STXBP2: variants seen among roughly 807,000 people sequenced by gnomAD.
STXBP2 encodes syntaxin binding protein 2.
In STXBP2, 47 loss-of-function variants were observed where a neutral mutation model predicts 72.2. The ratio of observed to expected loss-of-function variants is 0.65; its 90% CI spans 0.51 to 0.83. The LOEUF (loss-of-function observed/expected upper bound fraction) is 0.83. STXBP2 is among the 40% of genes least tolerant of loss of function. The pLI is 0.00. For synonymous variants in STXBP2, 367 were observed against 338.7 expected, an observed-to-expected ratio of 1.08 and a Z score of -0.92; for missense variants, 702 against 807.6, an observed-to-expected ratio of 0.87 and a Z score of 1.58.
chr19:7,646,457 G>GCT (rs1236818928), intron 16 of STXBP2, 113 bp downstream of exon 16: 1 of 1,022,642 alleles, frequency 9.8e-7, no homozygotes, highest in Non-Finnish European at 1.5e-6. Flanking sequence ...CTCATTGCTG[G>GCT]CATTCCCTTG....
chr19:7,631,990 G>T (rs2031331495), upstream of STXBP2: 1 of 565,112 alleles, frequency 1.8e-6, no homozygotes, highest in Non-Finnish European at 2.8e-6. Flanking sequence ...GCAGGTCTTG[G>T]GGCCCTCGCT....
At chr19:7,634,136 ATCTCC>A (rs1177831318), upstream of STXBP2, among the ~76,000 whole-genome samples, 2 of 152,152 alleles carry the variant, frequency 1.3e-5, no homozygotes, top group African/African-American at 4.8e-5. Flanking sequence ...AGGTTGAGCT[ATCTCC>A]TCTCCTCTAT....
In STXBP2 at chr19:7,639,228, C is replaced by G. The variant is rs2031691403; in HGVS notation, c.169+128C>G. The G allele has an allele frequency of 3.0e-6, 3 of 998,562 alleles. No individual in the cohort carries two copies. The African/African-American group carries it at 4.8e-5, about 16-fold the overall frequency. The allele number at this position is 998,562 out of a possible 1,614,324, so 61.9% of individuals were successfully genotyped here. Reference sequence around the variant, plus strand: ...GTCCAGAACTCCCAAGTACGCAGCTCCCTGCACGGACAGCCCGGATCATGT... The same window carrying G: ...GTCCAGAACTCCCAAGTACGCAGCTGCCTGCACGGACAGCCCGGATCATGT... On this transcript the variant is annotated intron_variant, in intron 3 of 18. Coordinates refer to ENST00000221283, the MANE Select transcript of STXBP2 (RefSeq NM_006949.4).
At chr19:7,634,956 A>G (rs1055612671), upstream of STXBP2, among the ~76,000 whole-genome samples, 9 of 152,206 alleles carry the variant, frequency 5.9e-5, no homozygotes, top group Non-Finnish European at 1.3e-4. Context: ...AGGCAGACAT[A>G]TAACTATCTT....
At chr19:7,640,521 C>A in intron 4 of STXBP2, 1 of 672,320 alleles carries the variant, frequency 1.5e-6, no homozygotes, top group East Asian at 2.8e-5. Context: ...TGCATGTGTG[C>A]ATGCGTGTGT....
chr19:7,639,213 C>G (rs1248318652), intron 3 of STXBP2, 113 bp downstream of exon 3: 1 of 1,129,976 alleles, frequency 8.8e-7, no homozygotes, highest in Non-Finnish European at 1.3e-6. Flanking sequence ...GTCCAGAACT[C>G]CCAAGTACGC....
intron 15 of STXBP2, chr19:7,645,983 C>T: frequency 3.5e-6 from 2 of 566,422 alleles, no homozygotes; most frequent in Non-Finnish European, 6.3e-6. Context: ...TGTCTCACTG[C>T]TTCTTATCTC....
upstream of STXBP2, chr19:7,633,428 T>C (rs1340161611): frequency 8.2e-6 from 13 of 1,576,058 alleles, no homozygotes; most frequent in Admixed American, 1.8e-5. Flanking sequence ...GGCCTGAGCC[T>C]TCCTCCGTCT....
upstream of STXBP2, chr19:7,632,893 T>C (rs56272042): frequency 0.34 from 525,342 of 1,526,998 alleles, 93,266 homozygotes; most frequent in Non-Finnish European, 0.37. This position sits in a 1 kb window ranked among gnomAD's most constrained non-coding sequence, Gnocchi z 5.2. Flanking sequence ...CCAAACTTCC[T>C]AGCCAGCTTG....
chr19:7,643,333 T>C, intron 13 of STXBP2, 88 bp downstream of exon 13: 1 of 885,734 alleles, frequency 1.1e-6, no homozygotes, highest in Middle Eastern at 3.8e-4. Flanking sequence ...TGGGGGGTTC[T>C]GGGGGAGGGG....
At position 7,639,706 on chromosome 19, in the gene STXBP2, G is replaced by A. The variant is rs1336345738; in HGVS notation, c.170-25G>A. The A allele has an allele frequency of 4.3e-6, 7 of 1,610,556 alleles. No homozygotes were observed. The South Asian group carries it at 5.5e-5, about 13-fold the overall frequency. ...GGCCCTGCCTGGATGCCACCCACCT[G>A]TGTCCCTTCCTCTGTTCCTACTAGT... On this transcript the variant is annotated intron_variant, in intron 3 of 18. Transcript: ENST00000221283.
At chr19:7,644,565 C>T (rs1187117304) in intron 13 of STXBP2, 49 bp from the exon 14 acceptor site, 1 of 1,604,688 alleles carries the variant, frequency 6.2e-7, no homozygotes, top group Admixed American at 1.7e-5. Context: ...TCTCCCATCC[C>T]CTTCCCTGAC....
In STXBP2 at chr19:7,642,691, C is replaced by T. The variant is rs1042027187; in HGVS notation, c.903-75C>T. ...CCAATTTCACCCCACCTCTCCCTGT[C>T]CCCCCTGAGTGGGCTCACCCATGGC... On this transcript the variant is annotated intron_variant, in intron 10 of 18. Coordinates refer to ENST00000221283, the MANE Select transcript of STXBP2 (RefSeq NM_006949.4). The surrounding 1 kb of genome is among the most constrained non-coding windows in gnomAD (Gnocchi z 6.0). 1.3e-6 allele frequency: 2 copies of T among 1,505,238 alleles called. No homozygotes were observed. The highest frequency in any genetic ancestry group is 1.4e-5 in the African/African-American group (1 of 72,614). 93.2% of individuals were successfully genotyped at this position (1,505,238 alleles called of 1,614,324 possible). A position where few individuals can be genotyped will look rare whatever the true frequency, so the allele number is the denominator to read the frequency against.
the STXBP2 span, chr19:7,631,482 A>T: frequency 6.5e-7 from 1 of 1,535,520 alleles, no homozygotes; most frequent in Non-Finnish European, 8.7e-7. Context: ...GCTTCAAGAG[A>T]TAGAGGAATT....
chr19:7,641,196 T>C lies in STXBP2; in HGVS notation c.429+193T>C, dbSNP rs2031861245. On this transcript the variant is annotated intron_variant, in intron 6 of 18. Transcript: ENST00000221283. ...CCTGGGTACAGAGCAAGACCCCGTCTCTTAAAAAAAGAAAAAGAAAGAAAT... is the reference window on the plus strand; with the variant it reads ...CCTGGGTACAGAGCAAGACCCCGTCCCTTAAAAAAAGAAAAAGAAAGAAAT... 1.2e-5 allele frequency: 8 copies of C among 671,264 alleles called. No homozygotes were observed. In the East Asian group the frequency reaches 1.9e-4, roughly 16 times the overall value. The allele number at this position is 671,264 out of a possible 1,614,324, so 41.6% of individuals were successfully genotyped here. A position where few individuals can be genotyped will look rare whatever the true frequency, so the allele number is the denominator to read the frequency against.
At chr19:7,633,080 A>G (rs1776503664), upstream of STXBP2, 3 of 1,261,602 alleles carry the variant, frequency 2.4e-6, no homozygotes, top group East Asian at 5.1e-5. Context: ...TTCAAGGGAC[A>G]GGCTCCGATG....
chr19:7,647,305 G>A, intron 17 of STXBP2, 49 bp from the exon 18 acceptor site: 1 of 1,611,846 alleles, frequency 6.2e-7, no homozygotes, highest in Non-Finnish European at 8.5e-7. Flanking sequence ...GGGCGGCCTG[G>A]CGGCGGTGAG....
At chr19:7,638,551 A>G (rs531218725) in intron 1 of STXBP2, among the ~76,000 whole-genome samples, 175 bp from the exon 2 acceptor site, 3 of 152,006 alleles carry the variant, frequency 2.0e-5, no homozygotes, top group Admixed American at 2.0e-4. Flanking sequence ...GCAGTGAGTT[A>G]TGATCACACC....
In STXBP2 at chr19:7,642,528, T is replaced by G; in HGVS notation, c.894T>G (p.Asp298Glu). The change falls in exon 10 of 19, where the codon GAT becomes GAG. Residue 298 changes from aspartate (D) to glutamate (E), a missense_variant. Coordinates refer to ENST00000221283, the MANE Select transcript of STXBP2 (RefSeq NM_006949.4). The surrounding 1 kb of genome is among the most constrained non-coding windows in gnomAD (Gnocchi z 6.0). ...AGCTTCGCCACATGCATATCGCAGA[T>G]GTGTCCAAGTGCGTGCACACGGGGA... The part of the protein sequence containing the change: ...WVELRHMHIA[D>E]VSKKVTELLR... 6.2e-7 allele frequency: 1 copy of G among 1,614,050 alleles called. No homozygotes were observed. Among genetic ancestry groups the G allele is most frequent in the Non-Finnish European group, 8.5e-7 (1 of 1,180,020 alleles).
Sources: gnomAD v4.1 joint callset for allele counts (sites outside exome capture counted in the v4.1 genomes callset) on GRCh38, gnomAD v4.1.1 for gene constraint, Gnocchi (gnomAD v3.1) non-coding constraint, MANE v1.5 for transcripts, NCBI Gene and HGNC (gene_info 2026-07-23, HGNC 2026-07-21) for gene names.